The following PLCB1 variants were observed in gnomAD, a reference collection of about 807,000 sequenced individuals.
PLCB1 encodes the protein phospholipase C beta 1.
Under a neutral mutation model 161.8 loss-of-function variants are expected in PLCB1, and 46 were observed. The observed-to-expected ratio is 0.28, with a 90% confidence interval of 0.22 to 0.36. PLCB1 has a LOEUF of 0.36. Ranked by LOEUF, PLCB1 falls within the 10% of genes least tolerant of loss-of-function variation. PLCB1 has a pLI of 1.00. For synonymous variants in PLCB1, 517 were observed against 503.7 expected, an observed-to-expected ratio of 1.03 and a Z score of -0.35; for missense variants, 1,016 against 1,472.5, an observed-to-expected ratio of 0.69 and a Z score of 5.07.
chr20:8,853,124 A>C (rs1452041030), intron 31 of PLCB1, among the ~76,000 whole-genome samples: 1 of 152,246 alleles, frequency 6.6e-6, no homozygotes, highest in African/African-American at 2.4e-5. Context: ...ACAAAATTTA[A>C]AAAAAGTATT....
intron 31 of PLCB1, among the ~76,000 whole-genome samples, chr20:8,820,532 G>A (rs1016441105): frequency 3.3e-5 from 5 of 152,004 alleles, no homozygotes; most frequent in Admixed American, 6.6e-5. Context: ...ACTGCAGGTG[G>A]GAGTAAAAAC....
chr20:8,834,306 A>G (rs969605837), intron 31 of PLCB1, among the ~76,000 whole-genome samples: 3 of 152,174 alleles, frequency 2.0e-5, no homozygotes, highest in African/African-American at 7.2e-5. Context: ...CTGGTTTAAT[A>G]GGATGATTAT....
At chr20:8,852,469 G>C (rs542322857) in intron 31 of PLCB1, among the ~76,000 whole-genome samples, 8 of 152,152 alleles carry the variant, frequency 5.3e-5, no homozygotes, top group Non-Finnish European at 8.8e-5. Context: ...AGTGGAGGAA[G>C]GCAGAACTCC....
In PLCB1 at chr20:8,868,295, T is replaced by C. The variant is rs961579498; in HGVS notation, c.3424-13327T>C. Among the ~76,000 whole-genome samples, 5 of 152,220 alleles carry C rather than the reference T, an allele frequency of 3.3e-5. No individual in the cohort carries two copies. In the South Asian group the frequency reaches 6.2e-4, roughly 19 times the overall value. ...AGAAAAGCCTGTGATGATTTAGAAA[T>C]GTGCTGGGCTAATTGCAGCTGGTTG... On this transcript the variant is annotated intron_variant, in intron 31 of 31. Transcript: ENST00000338037.
At chr20:8,723,903 C>T (rs1041328449) in intron 15 of PLCB1, among the ~76,000 whole-genome samples, 1 of 151,870 alleles carries the variant, frequency 6.6e-6, no homozygotes, top group African/African-American at 2.4e-5. Context: ...TTTACCCACC[C>T]CTGCCCATTT....
chr20:8,768,837 C>T (rs1487016100), intron 26 of PLCB1, among the ~76,000 whole-genome samples: 1 of 152,196 alleles, frequency 6.6e-6, no homozygotes, highest in African/African-American at 2.4e-5. Context: ...CTCTATACAA[C>T]AAAACAAACA....
At chr20:8,720,858 T>TAA (rs1390912999) in intron 14 of PLCB1, among the ~76,000 whole-genome samples, 210 of 144,082 alleles carry the variant, frequency 1.5e-3, no homozygotes, top group African/African-American at 4.3e-3. Flanking sequence ...TTTTTTTTTT[T>TAA]AAAAAAAAAA....
chr20:8,831,931 T>C lies in PLCB1; in HGVS notation c.3423+41670T>C, dbSNP rs190445453. On this transcript the variant is annotated intron_variant, in intron 31 of 31. Coordinates refer to ENST00000338037, the MANE Select transcript of PLCB1 (RefSeq NM_015192.4). ...TTCTTTCTCTTTCTTTCTTTCTTTC[T>C]TTCTTTCTTTCTTTCTTTCTTTCTT... 6.6e-4 allele frequency among the ~76,000 whole-genome samples: 53 copies of C among 80,168 alleles called. 4 individuals carry two copies. Among genetic ancestry groups the C allele is most frequent in the Admixed American group, 5.1e-3 (40 of 7,908 alleles). The allele number at this position is 80,168 out of a possible 152,430, so 52.6% of individuals were successfully genotyped here. A position where few individuals can be genotyped will look rare whatever the true frequency, so the allele number is the denominator to read the frequency against.
intron 3 of PLCB1, among the ~76,000 whole-genome samples, chr20:8,615,929 A>G (rs1988029048): frequency 6.6e-6 from 1 of 152,086 alleles, no homozygotes; most frequent in Admixed American, 6.5e-5. Context: ...AATCATAATC[A>G]TACCCTGTAC....
chr20:8,414,594 A>G (rs752913682), intron 3 of PLCB1, among the ~76,000 whole-genome samples: 1 of 152,212 alleles, frequency 6.6e-6, no homozygotes, highest in Non-Finnish European at 1.5e-5. Context: ...ACAATCAAAA[A>G]TCAAAGAAAT....
At chr20:8,648,671 G>A (rs1271853702) in intron 6 of PLCB1, among the ~76,000 whole-genome samples, 1 of 152,182 alleles carries the variant, frequency 6.6e-6, no homozygotes, top group Non-Finnish European at 1.5e-5. Context: ...CAAGCACAGT[G>A]GCTCATGCCT....
intron 31 of PLCB1, among the ~76,000 whole-genome samples, chr20:8,819,045 T>C (rs993016340): frequency 6.6e-6 from 1 of 152,196 alleles, no homozygotes; most frequent in African/African-American, 2.4e-5. Context: ...TCCAAAATTT[T>C]TATGGTAAAG....
At chr20:8,527,142 A>G (rs565845508) in intron 3 of PLCB1, among the ~76,000 whole-genome samples, 1 of 152,244 alleles carries the variant, frequency 6.6e-6, no homozygotes, top group Non-Finnish European at 1.5e-5. Flanking sequence ...GTAATTTTAT[A>G]TCTTTTAGCT....
Position 8,649,385 on chromosome 20 carries a change from T to G in PLCB1, c.530T>G (p.Leu177Trp). 6.2e-7 allele frequency: 1 copy of G among 1,613,436 alleles called. No homozygotes were observed. The highest frequency in any genetic ancestry group is 8.5e-7 in the Non-Finnish European group (1 of 1,179,358). The change falls in exon 7 of 32, where the codon TTG becomes TGG. Residue 177 changes from leucine (L) to tryptophan (W), a missense_variant. Transcript: ENST00000338037. ...GRIPLKNIYR[L>W]FSADRKRVET... is the part of the protein sequence containing the mutation. ...TGTTCACTTCACAGCATATATCGCT[T>G]GTTTTCAGCAGATCGGAAGCGAGTT...
chr20:8,559,936 C>T (rs924632570), intron 3 of PLCB1, among the ~76,000 whole-genome samples: 1 of 151,952 alleles, frequency 6.6e-6, no homozygotes, highest in Non-Finnish European at 1.5e-5. Flanking sequence ...TTTCTTTCTT[C>T]CTTCCTTCTT....
intron 2 of PLCB1, among the ~76,000 whole-genome samples, chr20:8,161,843 G>A (rs2051628415): frequency 6.6e-6 from 1 of 151,050 alleles, no homozygotes; most frequent in African/African-American, 2.4e-5. Context: ...GGTGAACACA[G>A]ATAGAAAGCA....
chr20:8,441,187 T>G (rs1021806062), intron 3 of PLCB1, among the ~76,000 whole-genome samples: 1 of 152,214 alleles, frequency 6.6e-6, no homozygotes, highest in African/African-American at 2.4e-5. Flanking sequence ...ACCAGTAATA[T>G]TCCAAGTAAA....
intron 2 of PLCB1, among the ~76,000 whole-genome samples, chr20:8,327,591 G>A (rs1044625898): frequency 6.6e-6 from 1 of 152,174 alleles, no homozygotes; most frequent in Non-Finnish European, 1.5e-5. Flanking sequence ...GCCATAGAAG[G>A]CCTCTACCAT....
At chr20:8,848,305 AG>A (rs1986761998) in intron 31 of PLCB1, among the ~76,000 whole-genome samples, 1 of 152,146 alleles carries the variant, frequency 6.6e-6, no homozygotes. Flanking sequence ...CCAACCTGGA[AG>A]CTTTACATCA....
Sources: allele counts gnomAD v4.1 joint callset (sites outside exome capture counted in the v4.1 genomes callset), GRCh38; gene constraint gnomAD v4.1.1; transcripts MANE v1.5; gene names NCBI Gene and HGNC (gene_info 2026-07-23, HGNC 2026-07-21).